Variants in NTM observed in about 807,000 individuals in gnomAD.
NTM encodes the protein IgLON family member 2.
Under a neutral mutation model 42.1 loss-of-function variants are expected in NTM, and 13 were observed. That is an observed-to-expected ratio of 0.31 (90% CI 0.20 to 0.49). The LOEUF is 0.49. Among genes scored for constraint, NTM ranks in the 20% least tolerant of loss-of-function variants. NTM has a pLI of 0.99. For synonymous variants in NTM, 187 were observed against 179.2 expected, an observed-to-expected ratio of 1.04 and a Z score of -0.35; for missense variants, 373 against 452.8, an observed-to-expected ratio of 0.82 and a Z score of 1.60.
intron 1 of NTM, among the ~76,000 whole-genome samples, chr11:131,791,849 T>G (rs1341600363): frequency 6.6e-6 from 1 of 152,212 alleles, no homozygotes; most frequent in Non-Finnish European, 1.5e-5. Flanking sequence ...CTTAGCTGGT[T>G]GTTTAATTTG....
At chr11:131,851,532 C>CATGT (rs1555154795) in intron 1 of NTM, among the ~76,000 whole-genome samples, 51 of 146,804 alleles carry the variant, frequency 3.5e-4, no homozygotes, top group African/African-American at 1.2e-3. Flanking sequence ...GTGAGAATGG[C>CATGT]GTGTGTGTGT....
chr11:131,593,895 A>G (rs1384878177), intron 1 of NTM, among the ~76,000 whole-genome samples: 1 of 152,084 alleles, frequency 6.6e-6, no homozygotes, highest in African/African-American at 2.4e-5. Flanking sequence ...CAAGGCCTGT[A>G]TTTCATTTTA....
At chr11:131,842,372 C>T (rs1005284772) in intron 1 of NTM, among the ~76,000 whole-genome samples, 2 of 152,100 alleles carry the variant, frequency 1.3e-5, no homozygotes, top group Non-Finnish European at 2.9e-5. Context: ...TGTTGTGTGT[C>T]CTGGTTCCAC....
chr11:131,896,803 C>T (rs2052353259), intron 1 of NTM, among the ~76,000 whole-genome samples: 1 of 151,548 alleles, frequency 6.6e-6, no homozygotes, highest in Non-Finnish European at 1.5e-5. Context: ...ATTCTCCTGC[C>T]TCAGCCTCCG....
chr11:131,554,186 G>A (rs149439319), intron 1 of NTM, among the ~76,000 whole-genome samples: 11 of 152,048 alleles, frequency 7.2e-5, no homozygotes, highest in Non-Finnish European at 1.3e-4. Context: ...TCTCCCTTTC[G>A]AGATCATGTG....
intron 3 of NTM, among the ~76,000 whole-genome samples, chr11:132,160,411 C>T (rs2137594056): frequency 6.6e-6 from 1 of 152,340 alleles, no homozygotes; most frequent in South Asian, 2.1e-4. Context: ...TCACCCCTCT[C>T]CTACCAACAC....
chr11:131,567,438 A>G (rs1220921009), intron 1 of NTM, among the ~76,000 whole-genome samples: 1 of 152,088 alleles, frequency 6.6e-6, no homozygotes. Flanking sequence ...CAGTGAGGCA[A>G]GATTGCACCA....
At chr11:131,749,417 G>C (rs1274027070) in intron 1 of NTM, among the ~76,000 whole-genome samples, 2 of 152,192 alleles carry the variant, frequency 1.3e-5, no homozygotes, top group African/African-American at 2.4e-5. Flanking sequence ...TCTAAAAATG[G>C]CAAGAAGAAT....
intron 1 of NTM, among the ~76,000 whole-genome samples, chr11:131,910,382 C>T (rs1592756863): frequency 6.6e-6 from 1 of 152,108 alleles, no homozygotes; most frequent in African/African-American, 2.4e-5. Context: ...AATTTGGAAG[C>T]GCGTAAATGG....
chr11:132,203,894 A>G (rs2081537188), intron 3 of NTM, among the ~76,000 whole-genome samples: 1 of 143,354 alleles, frequency 7.0e-6, no homozygotes, highest in African/African-American at 2.7e-5. Context: ...ATGAGACTCC[A>G]TCTCAAAAAA....
intron 2 of NTM, among the ~76,000 whole-genome samples, chr11:131,942,845 C>T (rs2134236472): frequency 6.6e-6 from 1 of 151,842 alleles, no homozygotes; most frequent in East Asian, 1.9e-4. Context: ...ACTCGGGAGG[C>T]TGAGGCAGGA....
intron 1 of NTM, among the ~76,000 whole-genome samples, chr11:131,521,771 C>T (rs2049762527): frequency 6.6e-6 from 1 of 152,072 alleles, no homozygotes; most frequent in Non-Finnish European, 1.5e-5. Flanking sequence ...GGTCAGCTGT[C>T]CAAACTAGAG....
At chr11:131,925,383 CTTTTTTTTT>C (rs61493262) in intron 2 of NTM, among the ~76,000 whole-genome samples, 1 of 111,456 alleles carries the variant, frequency 9.0e-6, no homozygotes, top group Non-Finnish European at 1.8e-5. Context: ...TTTCTTTTCT[CTTTTTTTTT>C]TTTTTTTTTT....
chr11:132,229,100 G>A (rs987885401), intron 4 of NTM, among the ~76,000 whole-genome samples: 4 of 152,178 alleles, frequency 2.6e-5, no homozygotes, highest in African/African-American at 9.7e-5. Context: ...CCTCATCACC[G>A]TGATCACCTC....
chr11:131,888,384 G>A lies in NTM; in HGVS notation c.83-23180G>A, dbSNP rs576771882. ...GGCATTTCACACTGCGGAGAAATGC[G>A]TCGTTCATTCCCCTCCAGCTCATGA... On this transcript the variant is annotated intron_variant, in intron 1 of 8. Transcript: ENST00000683400. Among the ~76,000 whole-genome samples, 199 of 152,258 alleles carry A rather than the reference G, an allele frequency of 1.3e-3. 1 individual carries two copies. Among genetic ancestry groups the A allele is most frequent in the African/African-American group, 4.3e-3 (180 of 41,548 alleles).
chr11:131,502,251 T>C (rs2046924620), intron 1 of NTM, among the ~76,000 whole-genome samples: 1 of 152,082 alleles, frequency 6.6e-6, no homozygotes, highest in Non-Finnish European at 1.5e-5. Context: ...GGCATCATGA[T>C]TGCTGCCCTT....
chr11:132,164,281 G>C (rs990774068), intron 3 of NTM, among the ~76,000 whole-genome samples: 7 of 152,100 alleles, frequency 4.6e-5, no homozygotes, highest in African/African-American at 7.2e-5. Context: ...AATAAATCCT[G>C]TCTGGCGGGA....
rs1190195222 is a variant in NTM at position 132,069,619 on chromosome 11, T to C, written c.168-76663T>C. Among the ~76,000 whole-genome samples, 40 of 149,924 alleles carry C rather than the reference T, an allele frequency of 2.7e-4. 1 individual carries two copies. Among genetic ancestry groups the C allele is most frequent in the African/African-American group, 9.6e-4 (39 of 40,550 alleles). ...ACACAGACAAGTTAACACATCACACTGACCGTCACAGGTTAGTTAACAGGT... is the reference window on the plus strand; with the variant it reads ...ACACAGACAAGTTAACACATCACACCGACCGTCACAGGTTAGTTAACAGGT... On this transcript the variant is annotated intron_variant, in intron 2 of 8. Coordinates refer to ENST00000683400, the MANE Select transcript of NTM (RefSeq NM_001352005.2).
At chr11:131,385,670 C>T (rs116871279) in intron 1 of NTM, among the ~76,000 whole-genome samples, 1,548 of 152,216 alleles carry the variant, frequency 0.01, 12 homozygotes, top group Middle Eastern at 0.048. Context: ...CTGGGCAATA[C>T]AGAAAAATCT....
Sources: allele counts gnomAD v4.1 joint callset (sites outside exome capture counted in the v4.1 genomes callset), GRCh38; gene constraint gnomAD v4.1.1; transcripts MANE v1.5; gene names NCBI Gene and HGNC (gene_info 2026-07-23, HGNC 2026-07-21).